ZDHHC17: variants seen among roughly 807,000 people sequenced by gnomAD.
ZDHHC17 encodes palmitoyltransferase ZDHHC17.
A neutral mutation model predicts 90.3 loss-of-function variants in ZDHHC17; 40 were observed. That is an observed-to-expected ratio of 0.44 (90% CI 0.34 to 0.58). ZDHHC17 has a LOEUF of 0.58. ZDHHC17 is among the 20% of genes least tolerant of loss of function. The pLI, the probability that ZDHHC17 is intolerant of heterozygous loss-of-function variation, is 0.01. For synonymous variants in ZDHHC17, 235 were observed against 252.4 expected, an observed-to-expected ratio of 0.93 and a Z score of 0.65; for missense variants, 614 against 780.8, an observed-to-expected ratio of 0.79 and a Z score of 2.55.
intron 3 of ZDHHC17, among the ~76,000 whole-genome samples, chr12:76,806,928 A>G (rs1279761425): frequency 6.6e-6 from 1 of 152,206 alleles, no homozygotes; most frequent in African/African-American, 2.4e-5. Context: ...GAATTGCTAC[A>G]TTTTCAGTGC....
At chr12:76,846,568 A>G (rs1227083300) in intron 13 of ZDHHC17, 28 bp from the exon 14 acceptor site, 1 of 1,593,756 alleles carries the variant, frequency 6.3e-7, no homozygotes, top group South Asian at 1.1e-5. Context: ...TCTTAGCTGA[A>G]AAACCTTGCT....
chr12:76,844,303 A>G (rs1023545668), intron 12 of ZDHHC17: 1 of 152,134 alleles, frequency 6.6e-6, no homozygotes, highest in Non-Finnish European at 1.5e-5. Flanking sequence ...AAGATTTCCT[A>G]TTATAAAATC....
At position 76,851,554 on chromosome 12, in the gene ZDHHC17, G is replaced by T. The variant is rs2137812762; in HGVS notation, c.*569G>T. The T allele has an allele frequency of 6.5e-6, 1 of 152,868 alleles. No homozygotes were observed. The highest frequency in any genetic ancestry group is 6.5e-5 in the Admixed American group (1 of 15,280). 9.5% of individuals were successfully genotyped at this position (152,868 alleles called of 1,614,324 possible). Reference sequence around the variant, plus strand: ...GAGAAAATAATGTTCACAATAAAATGTGCTAACAATGTTTTGTTTCTATCA... The same window carrying T: ...GAGAAAATAATGTTCACAATAAAATTTGCTAACAATGTTTTGTTTCTATCA... On this transcript the variant is annotated 3_prime_UTR_variant, in exon 17 of 17. Transcript: ENST00000426126.
At chr12:76,810,723 C>T (rs557176182) in intron 5 of ZDHHC17, among the ~76,000 whole-genome samples, 71 of 152,096 alleles carry the variant, frequency 4.7e-4, no homozygotes, top group Admixed American at 3.7e-3. Flanking sequence ...GGGTTATTGT[C>T]TGTTACTGTG....
intron 8 of ZDHHC17, among the ~76,000 whole-genome samples, chr12:76,824,005 T>G (rs1382325568): frequency 6.6e-6 from 1 of 152,142 alleles, no homozygotes; most frequent in Non-Finnish European, 1.5e-5. Flanking sequence ...TAAAAAAAAA[T>G]CTTGTGTTAC....
intron 1 of ZDHHC17, among the ~76,000 whole-genome samples, chr12:76,768,559 A>G (rs904242335): frequency 3.3e-5 from 5 of 152,270 alleles, no homozygotes; most frequent in Non-Finnish European, 4.4e-5. Flanking sequence ...GACGATTCAA[A>G]TAAGTACTGA....
rs779026920 is a variant in ZDHHC17, at chr12:76,828,457, A to T, written c.1108A>T (p.Met370Leu). Reference sequence around the variant, plus strand: ...GATATATTTGGCAACCAAATTCTGGATGTATGTGACGTGGTTCTTCTGGTT... The same window carrying T: ...GATATATTTGGCAACCAAATTCTGGTTGTATGTGACGTGGTTCTTCTGGTT... Reference protein sequence around the residue: ...LGIYLATKFWMYVTWFFWFWN... With the variant: ...LGIYLATKFWLYVTWFFWFWN... Residue 370 changes from methionine (M) to leucine (L), a missense_variant, in exon 10 of 17, where the codon ATG becomes TTG. By Grantham distance (15) the Met-to-Leu change is conservative. Around this residue, in one of 5 missense-constraint regions of ZDHHC17, gnomAD observed 117 missense variants for 183.6 expected, o/e 0.64. Coordinates refer to ENST00000426126, the MANE Select transcript of ZDHHC17 (RefSeq NM_015336.4). The T allele has an allele frequency of 2.5e-6, 4 of 1,613,190 alleles. No individual in the cohort carries two copies. The highest frequency in any genetic ancestry group is 3.4e-6 in the Non-Finnish European group (4 of 1,179,584).
rs1365693171 is a variant in ZDHHC17, at chr12:76,815,931, C to T, written c.683C>T (p.Ala228Val). 1 of 1,583,370 alleles carries T rather than the reference C, an allele frequency of 6.3e-7. No homozygotes were observed. Among genetic ancestry groups the T allele is most frequent in the East Asian group, 2.3e-5 (1 of 43,948 alleles). The change falls in exon 7 of 17, where the codon GCT becomes GTT. Residue 228 changes from alanine (A) to valine (V), a missense_variant. Ala to Val is a moderately conservative substitution (Grantham distance 64). Coordinates refer to ENST00000426126, the MANE Select transcript of ZDHHC17 (RefSeq NM_015336.4). ...GGTGACAAGTATCACAAAAACACTG[C>T]TCTGCATTGGGCAGTGCTAGCAGGG... ...NLGDKYHKNT[A>V]LHWAVLAGNT...
intron 10 of ZDHHC17, among the ~76,000 whole-genome samples, chr12:76,838,030 C>G (rs927564668): frequency 2.0e-5 from 3 of 151,828 alleles, no homozygotes; most frequent in Admixed American, 6.6e-5. Flanking sequence ...TCCTTGTGTT[C>G]ATCTTTATAA....
intron 2 of ZDHHC17, among the ~76,000 whole-genome samples, chr12:76,803,459 C>T (rs1299701560): frequency 3.3e-5 from 5 of 152,044 alleles, no homozygotes; most frequent in East Asian, 3.9e-4. Context: ...GGAGAATTCT[C>T]GACTTATACC....
chr12:76,793,129 G>C (rs977928825), intron 1 of ZDHHC17, among the ~76,000 whole-genome samples: 3 of 152,178 alleles, frequency 2.0e-5, no homozygotes, highest in Non-Finnish European at 2.9e-5. Context: ...TGTCAGATTC[G>C]TGAGTTGTCC....
intron 2 of ZDHHC17, 31 bp from the exon 3 acceptor site, chr12:76,805,286 A>G: frequency 6.5e-7 from 1 of 1,535,662 alleles, no homozygotes; most frequent in Non-Finnish European, 8.9e-7. Flanking sequence ...TTGTTAAATA[A>G]TAACAATGCC....
chr12:76,819,554 A>G (rs1439147014), intron 7 of ZDHHC17, among the ~76,000 whole-genome samples: 1 of 152,202 alleles, frequency 6.6e-6, no homozygotes, highest in Non-Finnish European at 1.5e-5. Context: ...TCCCTAAAAT[A>G]CCTATTTTCT....
chr12:76,825,394 T>C (rs1254413535), intron 8 of ZDHHC17, among the ~76,000 whole-genome samples: 1 of 152,198 alleles, frequency 6.6e-6, no homozygotes, highest in Non-Finnish European at 1.5e-5. Flanking sequence ...ATTTTCCTAA[T>C]ATAAGAGAAA....
chr12:76,810,855 C>T (rs964121207), intron 5 of ZDHHC17, among the ~76,000 whole-genome samples: 32 of 152,206 alleles, frequency 2.1e-4, no homozygotes, highest in African/African-American at 7.7e-4. Flanking sequence ...AGTTGTCTGG[C>T]GGCTTGACTG....
At chr12:76,843,094 C>T (rs1953454340) in intron 12 of ZDHHC17, 113 bp downstream of exon 12, 1 of 742,096 alleles carries the variant, frequency 1.3e-6, no homozygotes, top group Non-Finnish European at 2.1e-6. Context: ...AACACATTCC[C>T]TGCTTCTTGG....
intron 1 of ZDHHC17, chr12:76,764,683 C>T (rs772140306): frequency 8.4e-5 from 43 of 509,384 alleles, no homozygotes; most frequent in Non-Finnish European, 1.5e-4. Flanking sequence ...CTCCAAGCCT[C>T]TTGGGGCCAG....
intron 8 of ZDHHC17, among the ~76,000 whole-genome samples, chr12:76,824,093 T>C (rs1049119015): frequency 2.0e-5 from 3 of 151,554 alleles, no homozygotes; most frequent in Non-Finnish European, 4.4e-5. Flanking sequence ...TATATGTATA[T>C]TCACACACAC....
intron 1 of ZDHHC17, chr12:76,764,548 C>T (rs1488024979): frequency 6.9e-6 from 4 of 582,162 alleles, no homozygotes; most frequent in Non-Finnish European, 1.2e-5. Context: ...GACGCAGTCC[C>T]TGGCTGTGCC....
Sources: allele counts gnomAD v4.1 joint callset (sites outside exome capture counted in the v4.1 genomes callset), GRCh38; gene constraint gnomAD v4.1.1; regional missense constraint gnomAD v4.1.1; transcripts MANE v1.5; gene names NCBI Gene and HGNC (gene_info 2026-07-23, HGNC 2026-07-21).